The following PDZRN3 variants were observed in gnomAD, a reference collection of about 807,000 sequenced individuals.
The protein encoded by PDZRN3 is PDZ domain containing ring finger 3, also known as E3 ubiquitin-protein ligase PDZRN3.
Under a neutral mutation model 85.7 loss-of-function variants are expected in PDZRN3, and 38 were observed. That is an observed-to-expected ratio of 0.44 (90% confidence interval 0.34 to 0.58). PDZRN3 has a LOEUF of 0.58. PDZRN3 is among the 20% of genes least tolerant of loss of function. PDZRN3 has a pLI of 0.01. For missense variants in PDZRN3, 1,629 were observed against 1,506.4 expected (o/e 1.08, Z -1.35); for synonymous variants, 759 against 638.0 (o/e 1.19, Z -2.86).
In PDZRN3 at chr3:73,383,085, T is replaced by C. The variant is rs1385044426; in HGVS notation, c.*280A>G. Reference sequence around the variant, plus strand: ...TGCTTAATAAAAGATCTTTCTGAAATTTAAACACTTTATGTAAAAGGGTAC... The same window carrying C: ...TGCTTAATAAAAGATCTTTCTGAAACTTAAACACTTTATGTAAAAGGGTAC... On this transcript the variant is annotated 3_prime_UTR_variant, in exon 10 of 10. Coordinates refer to ENST00000263666, the MANE Select transcript of PDZRN3 (RefSeq NM_015009.3). 3 of 314,508 alleles carry C rather than the reference T, an allele frequency of 9.5e-6. No homozygotes were observed. The highest frequency in any genetic ancestry group is 1.7e-5 in the Non-Finnish European group (3 of 171,864). The allele number at this position is 314,508 out of a possible 1,614,324, so 19.5% of individuals were successfully genotyped here. A position where few individuals can be genotyped will look rare whatever the true frequency, so the allele number is the denominator to read the frequency against.
chr3:73,575,503 C>T (rs1271094738), intron 3 of PDZRN3, among the ~76,000 whole-genome samples: 1 of 152,148 alleles, frequency 6.6e-6, no homozygotes, highest in East Asian at 1.9e-4. Flanking sequence ...ACGCGAGAAA[C>T]AGCAGTCAAA....
At chr3:73,409,378 T>C (rs1457830396) in intron 3 of PDZRN3, among the ~76,000 whole-genome samples, 1 of 152,222 alleles carries the variant, frequency 6.6e-6, no homozygotes, top group East Asian at 1.9e-4. Context: ...TCCTGAGAAC[T>C]AACACAAAGC....
At chr3:73,472,197 T>A (rs1247146935) in intron 3 of PDZRN3, among the ~76,000 whole-genome samples, 1 of 152,222 alleles carries the variant, frequency 6.6e-6, no homozygotes, top group Non-Finnish European at 1.5e-5. Flanking sequence ...CTGGCTTTGT[T>A]AGAGCTGCCA....
intron 3 of PDZRN3, among the ~76,000 whole-genome samples, chr3:73,593,709 T>TATACACACACACAC (rs1246145951): frequency 2.1e-5 from 3 of 141,934 alleles, no homozygotes; most frequent in East Asian, 2.1e-4. Flanking sequence ...GAAATAAATA[T>TATACACACACACAC]ACACACACAC....
intron 3 of PDZRN3, among the ~76,000 whole-genome samples, chr3:73,443,496 T>TTTTG (rs1702686341): frequency 7.2e-6 from 1 of 138,458 alleles, no homozygotes; most frequent in African/African-American, 3.1e-5. Context: ...TTTTTTTTTT[T>TTTTG]TTGGGGGGGG....
chr3:73,503,443 C>A (rs1426494152), intron 3 of PDZRN3, among the ~76,000 whole-genome samples: 1 of 152,164 alleles, frequency 6.6e-6, no homozygotes. Flanking sequence ...TGATTTCATT[C>A]TTTAAATACC....
chr3:73,549,719 C>T (rs1262986588), intron 3 of PDZRN3, among the ~76,000 whole-genome samples: 2 of 152,174 alleles, frequency 1.3e-5, no homozygotes, highest in East Asian at 3.8e-4. Flanking sequence ...ACAGGCAGTA[C>T]ATTCTACTGT....
chr3:73,605,000 C>G (rs991568973), intron 2 of PDZRN3, among the ~76,000 whole-genome samples: 4 of 152,120 alleles, frequency 2.6e-5, no homozygotes, highest in South Asian at 4.1e-4. Context: ...GCTGGTGGAT[C>G]GCCTGAGCTC....
intron 2 of PDZRN3, among the ~76,000 whole-genome samples, chr3:73,604,357 AACC>A (rs1266522306): frequency 2.0e-5 from 3 of 152,218 alleles, no homozygotes; most frequent in African/African-American, 4.8e-5. Context: ...TCCTCACAAT[AACC>A]ACAAGTGGTA....
chr3:73,599,672 A>G (rs1702481748), intron 3 of PDZRN3, among the ~76,000 whole-genome samples: 1 of 152,352 alleles, frequency 6.6e-6, no homozygotes, highest in Non-Finnish European at 1.5e-5. Context: ...AAATCAAAGC[A>G]ACACTGTAGT....
intron 3 of PDZRN3, among the ~76,000 whole-genome samples, chr3:73,597,778 T>C (rs1702453197): frequency 6.7e-6 from 1 of 149,712 alleles, no homozygotes; most frequent in African/African-American, 2.5e-5. Context: ...AGAAATAATA[T>C]ATTGAACAGC....
chr3:73,527,095 T>C (rs1458298180), intron 3 of PDZRN3, among the ~76,000 whole-genome samples: 3 of 152,212 alleles, frequency 2.0e-5, no homozygotes, highest in African/African-American at 7.2e-5. Flanking sequence ...TGCCTTGGCC[T>C]CCCAAAGTGC....
chr3:73,396,968 A>T (rs1701650093), intron 5 of PDZRN3, among the ~76,000 whole-genome samples: 2 of 151,980 alleles, frequency 1.3e-5, no homozygotes, highest in Non-Finnish European at 2.9e-5. Context: ...ACTTACCTAA[A>T]TATGATCATT....
At chr3:73,453,713 G>C (rs1267878585) in intron 3 of PDZRN3, among the ~76,000 whole-genome samples, 1 of 152,162 alleles carries the variant, frequency 6.6e-6, no homozygotes, top group African/African-American at 2.4e-5. Context: ...TCTCCAAAGA[G>C]AACGCTTAAT....
intron 3 of PDZRN3, among the ~76,000 whole-genome samples, chr3:73,506,017 C>T (rs898031618): frequency 1.6e-4 from 24 of 151,936 alleles, no homozygotes; most frequent in African/African-American, 5.3e-4. Context: ...AACTCAGGTA[C>T]GGGCAGGTAG....
chr3:73,595,578 T>C, intron 3 of PDZRN3, among the ~76,000 whole-genome samples: 2 of 152,220 alleles, frequency 1.3e-5, no homozygotes, highest in African/African-American at 4.8e-5. Flanking sequence ...AATCATTTGG[T>C]TTACAGCATA....
chr3:73,413,681 C>T (rs747253233), intron 3 of PDZRN3, among the ~76,000 whole-genome samples: 13 of 152,004 alleles, frequency 8.6e-5, no homozygotes, highest in Non-Finnish European at 1.5e-4. Flanking sequence ...CAAAGGAGGC[C>T]GAGGTGTTCA....
At chr3:73,575,506 C>T (rs915942825) in intron 3 of PDZRN3, among the ~76,000 whole-genome samples, 1 of 152,188 alleles carries the variant, frequency 6.6e-6, no homozygotes, top group African/African-American at 2.4e-5. Flanking sequence ...CGAGAAACAG[C>T]AGTCAAATTG....
intron 3 of PDZRN3, among the ~76,000 whole-genome samples, chr3:73,570,439 A>AT (rs1702029428): frequency 6.6e-6 from 1 of 152,152 alleles, no homozygotes; most frequent in African/African-American, 2.4e-5. Flanking sequence ...TCTTGAATTG[A>AT]TTTTTGGTGT....
Sources: gnomAD v4.1 joint callset for allele counts (sites outside exome capture counted in the v4.1 genomes callset) on GRCh38, gnomAD v4.1.1 for gene constraint, MANE v1.5 for transcripts, NCBI Gene and HGNC (gene_info 2026-07-23, HGNC 2026-07-21) for gene names.